CCNB3: variants seen among roughly 807,000 people sequenced by gnomAD.
CCNB3 encodes cyclin B3, also known as G2/mitotic-specific cyclin-B3.
A neutral mutation model predicts 68.0 loss-of-function variants in CCNB3; 12 were observed. The ratio of observed to expected loss-of-function variants is 0.18; its 90% CI spans 0.11 to 0.29. CCNB3 has a LOEUF of 0.29. Among genes scored for constraint, CCNB3 ranks in the 10% least tolerant of loss-of-function variants. CCNB3 has a pLI of 1.00. For synonymous variants in CCNB3, 354 were observed against 388.9 expected, an observed-to-expected ratio of 0.91 and a Z score of 1.06; for missense variants, 904 against 993.1, an observed-to-expected ratio of 0.91 and a Z score of 1.21.
intron 4 of CCNB3, among the ~76,000 whole-genome samples, chrX:50,292,509 A>G (rs1383304518): frequency 9.0e-6 from 1 of 111,332 alleles, no homozygotes; most frequent in East Asian, 2.8e-4. Flanking sequence ...GAGGCACAGG[A>G]TGTCTGTCTT....
intron 8 of CCNB3, among the ~76,000 whole-genome samples, chrX:50,335,549 C>T (rs782432952): frequency 9.0e-6 from 1 of 111,470 alleles, no homozygotes; most frequent in Non-Finnish European, 1.9e-5. Context: ...TGGATTCCTT[C>T]GAGAGCTTCT....
intron 5 of CCNB3, among the ~76,000 whole-genome samples, chrX:50,301,383 G>A (rs1936628803): frequency 8.9e-6 from 1 of 112,153 alleles, no homozygotes; most frequent in Non-Finnish European, 1.9e-5. Flanking sequence ...GTCTGTTGGA[G>A]TTTGCTGGAG....
At chrX:50,322,452 C>T (rs1188869191) in intron 8 of CCNB3, among the ~76,000 whole-genome samples, 1 of 111,322 alleles carries the variant, frequency 9.0e-6, no homozygotes, top group African/African-American at 3.3e-5. Flanking sequence ...CATGTTAGAC[C>T]TAAAACCATA....
intron 5 of CCNB3, among the ~76,000 whole-genome samples, chrX:50,305,997 G>T (rs1921052985): frequency 9.8e-6 from 1 of 102,452 alleles, no homozygotes; most frequent in African/African-American, 3.6e-5. Flanking sequence ...ATGTTGGGCA[G>T]GCTGGTCTCG....
At chrX:50,300,228 T>A (rs1936595457) in intron 5 of CCNB3, among the ~76,000 whole-genome samples, 1 of 111,824 alleles carries the variant, frequency 8.9e-6, no homozygotes, top group South Asian at 3.8e-4. Context: ...CTTCCTATCC[T>A]TGACGGTCTT....
chrX:50,346,875 T>C, intron 10 of CCNB3, 68 bp downstream of exon 10: 2 of 1,059,771 alleles, frequency 1.9e-6, no homozygotes, highest in Non-Finnish European at 2.5e-6. Flanking sequence ...CCAGAGTAGC[T>C]GCCTTGAGTG....
upstream of CCNB3, chrX:50,204,737 C>G (rs1935323292): frequency 9.2e-6 from 1 of 108,209 alleles, no homozygotes; most frequent in Non-Finnish European, 1.9e-5. Context: ...GGCCGCCTCT[C>G]GTACCAGTTG....
intron 1 of CCNB3, among the ~76,000 whole-genome samples, chrX:50,210,236 G>T (rs987297632): frequency 4.5e-5 from 5 of 111,542 alleles, no homozygotes; most frequent in African/African-American, 1.6e-4. Flanking sequence ...GTATACCTGG[G>T]AGGAGGGGAA....
At chrX:50,348,476 C>T (rs997998395) in intron 11 of CCNB3, among the ~76,000 whole-genome samples, 1 of 111,723 alleles carries the variant, frequency 9.0e-6, no homozygotes, top group African/African-American at 3.3e-5. Context: ...AATCCTGGAG[C>T]CACTGAGGGA....
At chrX:50,320,893 A>G (rs1333676878) in intron 8 of CCNB3, among the ~76,000 whole-genome samples, 8 of 111,206 alleles carry the variant, frequency 7.2e-5, no homozygotes, top group African/African-American at 1.6e-4. Flanking sequence ...TATGATTGCA[A>G]TCATCTTTCC....
intron 8 of CCNB3, 181 bp from the exon 9 acceptor site, chrX:50,342,021 C>A (rs1602250094): frequency 4.4e-6 from 2 of 451,250 alleles, no homozygotes; most frequent in East Asian, 3.9e-5. Context: ...ATGCCAGTGT[C>A]CTCAAAGGCA....
chrX:50,226,189 A>T (rs1329577682), intron 1 of CCNB3, among the ~76,000 whole-genome samples: 13 of 32,067 alleles, frequency 4.1e-4, no homozygotes, highest in Non-Finnish European at 5.7e-4. Context: ...ATAGATATAT[A>T]AATATATATA....
chrX:50,348,985 A>G (rs782203812), intron 11 of CCNB3, among the ~76,000 whole-genome samples: 1 of 112,963 alleles, frequency 8.9e-6, no homozygotes, highest in Non-Finnish European at 1.9e-5. Flanking sequence ...GAAATATTTC[A>G]GTGTTTTCAC....
chrX:50,279,608 GCATAT>G (rs1936057734), intron 1 of CCNB3, among the ~76,000 whole-genome samples: 2 of 84,690 alleles, frequency 2.4e-5, no homozygotes, highest in African/African-American at 4.3e-5. Context: ...AAATGTATAT[GCATAT>G]GTACATTCAT....
chrX:50,303,131 G>T (rs1323598491), intron 5 of CCNB3, among the ~76,000 whole-genome samples: 1 of 110,309 alleles, frequency 9.1e-6, no homozygotes, highest in Non-Finnish European at 1.9e-5. Context: ...GTGGAATGGT[G>T]GCAGTGTTGT....
chrX:50,309,416 A>C lies in CCNB3; in HGVS notation c.1247A>C (p.Lys416Thr), dbSNP rs1921275236. ...TCTGGAGAGAAGTCGCTCATTATGA[A>C]GCCATTGTCCATTAAAGAAAAGCCA... Reference protein sequence around the residue: ...ITSGEKSLIMKPLSIKEKPST... With the variant: ...ITSGEKSLIMTPLSIKEKPST... Residue 416 changes from lysine to threonine, a missense_variant, in exon 6 of 13, where the codon AAG becomes ACG. Transcript: ENST00000376042. The C allele has an allele frequency of 8.3e-7, 1 of 1,209,812 alleles. No individual in the cohort carries two copies. The highest frequency in any genetic ancestry group is 1.1e-6 in the Non-Finnish European group (1 of 895,168).
At position 50,309,405 on chromosome X, in the gene CCNB3, G is replaced by A. The variant is rs782186514; in HGVS notation, c.1236G>A (p.Ser412=). ...VLQEITSGEK[S]LIMKPLSIKE... ...AGGAGATCACCTCTGGAGAGAAGTCGCTCATTATGAAGCCATTGTCCATTA... is the reference window on the plus strand; with the variant it reads ...AGGAGATCACCTCTGGAGAGAAGTCACTCATTATGAAGCCATTGTCCATTA... The change falls in exon 6 of 13, where the codon TCG becomes TCA. Residue 412 remains serine, a synonymous_variant. Transcript: ENST00000376042. The A allele has an allele frequency of 6.6e-6, 8 of 1,209,156 alleles. No homozygotes were observed. The highest frequency in any genetic ancestry group is 6.6e-5 in the Admixed American group (3 of 45,670).
At chrX:50,297,417 T>C (rs1465081530) in intron 5 of CCNB3, among the ~76,000 whole-genome samples, 7 of 111,910 alleles carry the variant, frequency 6.3e-5, no homozygotes, top group Middle Eastern at 4.6e-3. Flanking sequence ...TTTTGTCAGG[T>C]TTGTCAAAGA....
intron 1 of CCNB3, among the ~76,000 whole-genome samples, chrX:50,227,930 G>A: frequency 1.4e-5 from 1 of 73,506 alleles, no homozygotes; most frequent in African/African-American, 5.4e-5. Context: ...TGTATAGACA[G>A]AATATATATA....
Sources: gnomAD v4.1 joint callset for allele counts (sites outside exome capture counted in the v4.1 genomes callset) on GRCh38, gnomAD v4.1.1 for gene constraint, MANE v1.5 for transcripts, NCBI Gene and HGNC (gene_info 2026-07-23, HGNC 2026-07-21) for gene names.